The following CCDC138 variants were observed in gnomAD, a reference collection of about 807,000 sequenced individuals.
The protein encoded by CCDC138 is coiled-coil domain-containing protein 138.
A neutral mutation model predicts 82.3 loss-of-function variants in CCDC138; 66 were observed. That is an observed-to-expected ratio of 0.80 (90% CI 0.66 to 0.98). The LOEUF (loss-of-function observed/expected upper bound fraction) is 0.98, where lower values mean the gene tolerates loss of function less well. CCDC138 is among the 50% of genes least tolerant of loss of function. The pLI is 0.00. For synonymous variants in CCDC138, 297 were observed against 265.4 expected (o/e 1.12, Z -1.16); for missense variants, 816 against 758.9 (o/e 1.08, Z -0.88).
intron 6 of CCDC138, among the ~76,000 whole-genome samples, chr2:108,802,987 GC>G (rs1311875552): frequency 6.6e-6 from 1 of 152,138 alleles, no homozygotes; most frequent in African/African-American, 2.4e-5. Flanking sequence ...AGCCCACTTT[GC>G]TTTCAAAGCC....
intron 10 of CCDC138, among the ~76,000 whole-genome samples, chr2:108,834,790 G>A (rs904131906): frequency 2.6e-5 from 4 of 152,014 alleles, no homozygotes; most frequent in African/African-American, 2.4e-5. Flanking sequence ...GTAGTCTCTC[G>A]TCTACTTTCT....
chr2:108,821,037 A>G (rs959427289), intron 10 of CCDC138, among the ~76,000 whole-genome samples: 39 of 152,080 alleles, frequency 2.6e-4, no homozygotes, highest in African/African-American at 8.0e-4. Context: ...CTGTAAGTCT[A>G]TGTTAGGGGT....
rs1167858231 is a variant in CCDC138 at position 108,788,925 on chromosome 2, A to G, written c.225A>G (p.Arg75=). The G allele has an allele frequency of 2.5e-6, 4 of 1,614,050 alleles. No homozygotes were observed. The African/African-American group carries it at 5.3e-5, about 22-fold the overall frequency. Residue 75 remains arginine (R), a synonymous_variant, in exon 3 of 15, where the codon AGA becomes AGG. Coordinates refer to ENST00000295124, the MANE Select transcript of CCDC138 (RefSeq NM_144978.3). ...ATTCTGATGAAAGCAAGCATTGTAG[A>G]ACACCATTGGGCAGCTTATTCAAGC... The part of the protein sequence containing the change: ...LKYSDESKHC[R]TPLGSLFKHV...
chr2:108,879,290 T>C (rs1401413311), downstream of CCDC138, among the ~76,000 whole-genome samples: 2 of 152,206 alleles, frequency 1.3e-5, no homozygotes. Flanking sequence ...TTTATAAAAT[T>C]ATCAAAGAAT....
At chr2:108,787,005 A>C (rs1055302384) in intron 1 of CCDC138, 90 bp downstream of exon 1, 8 of 864,198 alleles carry the variant, frequency 9.3e-6, no homozygotes, top group African/African-American at 1.8e-5. Context: ...GGGGGCGCGC[A>C]GCGGCTCTGG....
At chr2:108,880,627 T>A (rs1292749495), downstream of CCDC138, among the ~76,000 whole-genome samples, 1 of 152,114 alleles carries the variant, frequency 6.6e-6, no homozygotes, top group Non-Finnish European at 1.5e-5. Flanking sequence ...CCCTTAAGAA[T>A]TATGCTAAAT....
chr2:108,841,116 G>A (rs1689405150), intron 11 of CCDC138, among the ~76,000 whole-genome samples: 1 of 152,144 alleles, frequency 6.6e-6, no homozygotes, highest in Non-Finnish European at 1.5e-5. Context: ...GATTACAGGT[G>A]TGAGCCACCG....
chr2:108,831,218 C>T (rs1182623378), intron 10 of CCDC138, among the ~76,000 whole-genome samples: 1 of 151,980 alleles, frequency 6.6e-6, no homozygotes, highest in Non-Finnish European at 1.5e-5. Flanking sequence ...CAGATCATCA[C>T]TGTAAGAAAG....
intron 6 of CCDC138, among the ~76,000 whole-genome samples, chr2:108,799,197 T>C (rs753709824): frequency 2.6e-4 from 39 of 152,308 alleles, no homozygotes; most frequent in Non-Finnish European, 4.7e-4. Flanking sequence ...TATGTCACAT[T>C]GTGGATTTGC....
intron 13 of CCDC138, among the ~76,000 whole-genome samples, chr2:108,868,905 G>T (rs1029717417): frequency 1.3e-5 from 2 of 151,710 alleles, no homozygotes; most frequent in African/African-American, 4.9e-5. Flanking sequence ...TTTTGTGAAA[G>T]AAAAAAATGA....
chr2:108,804,974 C>T lies in CCDC138; in HGVS notation c.821C>T (p.Ala274Val). 1 of 1,564,252 alleles carries T rather than the reference C, an allele frequency of 6.4e-7. No homozygotes were observed. Among genetic ancestry groups the T allele is most frequent in the Non-Finnish European group, 8.6e-7 (1 of 1,160,210 alleles). The change falls in exon 7 of 15, where the codon GCA (alanine) becomes GTA (valine). Residue 274 changes from alanine to valine, a missense_variant. Physicochemically the swap from Ala to Val is moderately conservative, Grantham distance 64. Coordinates refer to ENST00000295124, the MANE Select transcript of CCDC138 (RefSeq NM_144978.3). ...ETKRLRSSFD[A>V]LKELNDTLKK... Reference sequence around the variant, plus strand: ...AAGAGACTGAGGTCCTCTTTTGATGCATTGAAAGAATTGAATGATACCTTA... The same window carrying T: ...AAGAGACTGAGGTCCTCTTTTGATGTATTGAAAGAATTGAATGATACCTTA...
downstream of CCDC138, among the ~76,000 whole-genome samples, chr2:108,877,408 G>A (rs1297538776): frequency 1.3e-5 from 2 of 152,156 alleles, no homozygotes; most frequent in African/African-American, 4.8e-5. Context: ...AGAGGTTCCA[G>A]TGAGCCAAGA....
intron 10 of CCDC138, among the ~76,000 whole-genome samples, chr2:108,835,400 T>C (rs908918347): frequency 1.3e-5 from 2 of 152,198 alleles, no homozygotes; most frequent in Admixed American, 6.5e-5. Flanking sequence ...CCAGTAAGGA[T>C]ATTAATCCTC....
chr2:108,829,310 T>A (rs925274529), intron 10 of CCDC138, among the ~76,000 whole-genome samples: 1 of 152,094 alleles, frequency 6.6e-6, no homozygotes, highest in Non-Finnish European at 1.5e-5. Context: ...ACCCTATTTT[T>A]AAAAAAGCAA....
intron 9 of CCDC138, 115 bp from the exon 10 acceptor site, chr2:108,815,826 A>G (rs1684691906): frequency 4.6e-6 from 4 of 868,146 alleles, no homozygotes; most frequent in Non-Finnish European, 7.0e-6. Flanking sequence ...TCCTTAACAC[A>G]TTTTAGTGAA....
intron 6 of CCDC138, among the ~76,000 whole-genome samples, chr2:108,799,293 T>C (rs12988959): frequency 0.8 from 121,456 of 151,710 alleles, 48,885 homozygotes; most frequent in East Asian, 0.95. Context: ...TGCTTCATAT[T>C]AAGATATATT....
At chr2:108,814,648 AT>A (rs1684449120) in intron 9 of CCDC138, among the ~76,000 whole-genome samples, 1 of 147,900 alleles carries the variant, frequency 6.8e-6, no homozygotes, top group African/African-American at 2.5e-5. Context: ...TTGTTTTTTT[AT>A]TTTTTAATTT....
chr2:108,837,028 A>G (rs1688679527), intron 10 of CCDC138, among the ~76,000 whole-genome samples: 1 of 152,034 alleles, frequency 6.6e-6, no homozygotes, highest in African/African-American at 2.4e-5. Context: ...TACTTCTCCA[A>G]TTTGGATACT....
At chr2:108,822,909 C>T (rs1228730274) in intron 10 of CCDC138, among the ~76,000 whole-genome samples, 1 of 151,868 alleles carries the variant, frequency 6.6e-6, no homozygotes, top group African/African-American at 2.4e-5. Context: ...AAACCGCTAG[C>T]TAGATGAAGG....
Sources: allele counts gnomAD v4.1 joint callset (sites outside exome capture counted in the v4.1 genomes callset), GRCh38; gene constraint gnomAD v4.1.1; transcripts MANE v1.5; gene names NCBI Gene and HGNC (gene_info 2026-07-23, HGNC 2026-07-21).